TP73: variants seen among roughly 807,000 people sequenced by gnomAD.
The protein encoded by TP73 is tumor protein p73.
TP73 carries 25 observed loss-of-function variants against 62.5 expected under a neutral mutation model. The observed-to-expected ratio is 0.40, with a 90% CI of 0.29 to 0.56. The LOEUF is 0.56. TP73 is among the 20% of genes least tolerant of loss of function. The pLI, the probability that TP73 is intolerant of heterozygous loss-of-function variation, is 0.46. For synonymous variants in TP73, 423 were observed against 377.5 expected (o/e 1.12, Z -1.40); for missense variants, 754 against 913.3 (o/e 0.83, Z 2.25).
At chr1:3,661,739 T>A (rs56319233) in intron 1 of TP73, among the ~76,000 whole-genome samples, 7 of 129,946 alleles carry the variant, frequency 5.4e-5, no homozygotes, top group South Asian at 2.4e-4. Context: ...TATATATATA[T>A]AATATGTATT....
intron 3 of TP73, 47 bp from the exon 4 acceptor site, chr1:3,707,502 A>G (rs1250178923): frequency 1.3e-6 from 2 of 1,580,002 alleles, no homozygotes; most frequent in Non-Finnish European, 1.7e-6. Flanking sequence ...GGACAGGACG[A>G]CTGACTGTGT....
intron 4 of TP73, among the ~76,000 whole-genome samples, chr1:3,710,856 TC>T (rs201301292): frequency 6.6e-6 from 1 of 151,812 alleles, no homozygotes; most frequent in Non-Finnish European, 1.5e-5. Flanking sequence ...TGCACAGGCC[TC>T]CCCCCATCAC....
In TP73 at chr1:3,735,367, A is replaced by C. The variant is rs377208303; in HGVS notation, c.*2288A>C. Reference sequence around the variant, plus strand: ...GTGAGGCTGTCCCAAGAGCCCCTGTAGTGTGCTCCTGGGAAGGGCTGGGGG... The same window carrying C: ...GTGAGGCTGTCCCAAGAGCCCCTGTCGTGTGCTCCTGGGAAGGGCTGGGGG... On this transcript the variant is annotated 3_prime_UTR_variant, in exon 14 of 14. Coordinates refer to ENST00000378295, the MANE Select transcript of TP73 (RefSeq NM_005427.4). 8.7e-5 allele frequency: 12 copies of C among 138,206 alleles called. 1 individual carries two copies. The East Asian group carries it at 1.0e-3, about 12-fold the overall frequency. 8.6% of individuals were successfully genotyped at this position (138,206 alleles called of 1,614,324 possible).
intron 3 of TP73, among the ~76,000 whole-genome samples, chr1:3,705,401 T>C (rs1016250168): frequency 6.6e-6 from 1 of 152,186 alleles, no homozygotes; most frequent in Non-Finnish European, 1.5e-5. Context: ...GAGGCTGCAG[T>C]GGTGCCGGAG....
At chr1:3,677,541 A>G (rs1122723) in intron 1 of TP73, among the ~76,000 whole-genome samples, 66,912 of 151,906 alleles carry the variant, frequency 0.44, 14,759 homozygotes, top group Middle Eastern at 0.5. Flanking sequence ...TGATGGTGCC[A>G]GGGCTGGGGG....
At chr1:3,698,081 A>T (rs1340001183) in intron 3 of TP73, 2 of 985,420 alleles carry the variant, frequency 2.0e-6, no homozygotes, top group Non-Finnish European at 2.4e-6. Context: ...AGCCCTGCTA[A>T]GCATCTGTCA....
intron 5 of TP73, among the ~76,000 whole-genome samples, chr1:3,723,071 C>G (rs1254836461): frequency 6.7e-6 from 1 of 150,130 alleles, no homozygotes; most frequent in Non-Finnish European, 1.5e-5. Context: ...CCTCTCTGCA[C>G]CTGGCACTGG....
In TP73 at chr1:3,729,609, A is replaced by AGG. The variant is rs1235791034; in HGVS notation, c.1196+161_1196+162insGG. 2.2e-6 allele frequency: 3 copies of AGG among 1,353,904 alleles called. No individual in the cohort carries two copies. In the South Asian group the frequency reaches 3.6e-5, roughly 16 times the overall value. The allele number at this position is 1,353,904 out of a possible 1,614,324, so 83.9% of individuals were successfully genotyped here. A position where few individuals can be genotyped will look rare whatever the true frequency, so the allele number is the denominator to read the frequency against. On this transcript the variant is annotated intron_variant, in intron 10 of 13. Coordinates refer to ENST00000378295, the MANE Select transcript of TP73 (RefSeq NM_005427.4). ...CCCACCCCACATCTCCTCCTCCAGG[A>AGG]AGCCTTCTAGCACTTGGGGCTGCCC... is the stretch of plus-strand genomic sequence containing the variant.
intron 3 of TP73, among the ~76,000 whole-genome samples, chr1:3,706,553 G>T (rs555612598): frequency 6.6e-6 from 1 of 152,084 alleles, no homozygotes; most frequent in Non-Finnish European, 1.5e-5. Flanking sequence ...AGCCTCGGGG[G>T]TCACAGGGAA....
intron 6 of TP73, among the ~76,000 whole-genome samples, chr1:3,725,013 C>T (rs1311157277): frequency 2.0e-5 from 3 of 149,960 alleles, no homozygotes; most frequent in South Asian, 4.2e-4. Context: ...AGAGAGACTC[C>T]GTCTCAAAAA....
chr1:3,678,491 G>T (rs934025226), intron 1 of TP73, among the ~76,000 whole-genome samples: 2 of 152,266 alleles, frequency 1.3e-5, no homozygotes, highest in African/African-American at 4.8e-5. Context: ...TGTGAGCAGT[G>T]TTCCTGTGGG....
intron 13 of TP73, among the ~76,000 whole-genome samples, 194 bp from the exon 14 acceptor site, chr1:3,732,553 C>G (rs1366465652): frequency 6.7e-6 from 1 of 150,326 alleles, no homozygotes; most frequent in Non-Finnish European, 1.5e-5. Context: ...GTCTAACACT[C>G]CCAGGTCAGG....
At position 3,670,835 on chromosome 1, in the gene TP73, C is replaced by T. The variant is rs1645223929; in HGVS notation, c.-33-11498C>T. Among the ~76,000 whole-genome samples, 1 of 152,220 alleles carries T rather than the reference C, an allele frequency of 6.6e-6. No individual in the cohort carries two copies. The highest frequency in any genetic ancestry group is 2.1e-4 in the South Asian group (1 of 4,834). On this transcript the variant is annotated intron_variant, in intron 1 of 13. Transcript: ENST00000378295. The surrounding 1 kb of genome is among the most constrained non-coding windows in gnomAD (Gnocchi z 5.9). ...GCCCGCTCAAACCAAATCATGGATT[C>T]TGTCATCGCTTCTTCACGGAGCACC...
At chr1:3,706,313 T>C (rs1639623510) in intron 3 of TP73, among the ~76,000 whole-genome samples, 1 of 150,874 alleles carries the variant, frequency 6.6e-6, no homozygotes. Flanking sequence ...ACAATCATGG[T>C]GCCCACCGCA....
At chr1:3,655,251 G>C (rs1644841468) in intron 1 of TP73, among the ~76,000 whole-genome samples, 1 of 152,142 alleles carries the variant, frequency 6.6e-6, no homozygotes, top group Non-Finnish European at 1.5e-5. Context: ...GCCGGGGGTG[G>C]TGTCTGGTGC....
At chr1:3,698,592 C>T (rs12032272) in intron 3 of TP73, among the ~76,000 whole-genome samples, 26,725 of 151,948 alleles carry the variant, frequency 0.18, 2,480 homozygotes, top group Admixed American at 0.2. Context: ...AGCTGAGGGA[C>T]GTGGAGAAGG....
chr1:3,659,563 A>G (rs1644945173), intron 1 of TP73: 2 of 152,214 alleles, frequency 1.3e-5, no homozygotes, highest in Non-Finnish European at 2.9e-5. Context: ...ACAAAACCCC[A>G]AAGACGTTAA....
chr1:3,698,009 GTTCTCGGCTCAGCCACCCA>G (rs776761993), intron 3 of TP73: 37 of 916,950 alleles, frequency 4.0e-5, no homozygotes, highest in Non-Finnish European at 4.8e-5. Flanking sequence ...CATAATTCAA[GTTCTCGGCTCAGCCACCCA>G]TTCTCGGCTC....
In TP73 at chr1:3,696,680, A is replaced by C. The variant is rs1638690042; in HGVS notation, c.187-10869A>C. 6.6e-6 allele frequency among the ~76,000 whole-genome samples: 1 copy of C among 152,064 alleles called. No individual in the cohort carries two copies. The highest frequency in any genetic ancestry group is 1.5e-5 in the Non-Finnish European group (1 of 67,994). ...CCACGGTTTGGAGAGGGCAGGGCCCAACTGGGAATGGCTCATGGGATTGCT... is the reference window on the plus strand; with the variant it reads ...CCACGGTTTGGAGAGGGCAGGGCCCCACTGGGAATGGCTCATGGGATTGCT... On this transcript the variant is annotated intron_variant, in intron 3 of 13. Transcript: ENST00000378295. This position sits in a 1 kb window ranked among gnomAD's most constrained non-coding sequence, Gnocchi z 4.1.
Sources: gnomAD v4.1 joint callset for allele counts (sites outside exome capture counted in the v4.1 genomes callset) on GRCh38, gnomAD v4.1.1 for gene constraint, Gnocchi (gnomAD v3.1) non-coding constraint, MANE v1.5 for transcripts, NCBI Gene and HGNC (gene_info 2026-07-23, HGNC 2026-07-21) for gene names.